CHD5: variants seen among roughly 807,000 people sequenced by gnomAD.
The protein encoded by CHD5 is ATP-dependent chromatin remodeler CHD5.
A neutral mutation model predicts 230.3 loss-of-function variants in CHD5; 69 were observed. The observed-to-expected ratio is 0.30, with a 90% confidence interval of 0.25 to 0.37. The LOEUF (loss-of-function observed/expected upper bound fraction) is 0.37. CHD5 is among the 10% of genes least tolerant of loss of function. The pLI is 1.00. For synonymous variants in CHD5, 1,064 were observed against 1,065.9 expected, an observed-to-expected ratio of 1.00 and a Z score of 0.03; for missense variants, 1,827 against 2,622.8, an observed-to-expected ratio of 0.70 and a Z score of 6.63.
chr1:6,152,717 T>G (rs1361624663), intron 5 of CHD5, among the ~76,000 whole-genome samples, 181 bp from the exon 6 acceptor site: 2 of 152,134 alleles, frequency 1.3e-5, no homozygotes, highest in Non-Finnish European at 2.9e-5. Context: ...ACACAGCAAG[T>G]GAGGCAAAAA....
chr1:6,128,472 C>G lies in CHD5; in HGVS notation c.3730+27G>C, dbSNP rs201971926. On this transcript the variant is annotated intron_variant, in intron 24 of 41. Transcript: ENST00000262450. This position sits in a 1 kb window ranked among gnomAD's most constrained non-coding sequence, Gnocchi z 7.8. ...AGCAGCCACCTGGTCGGAGGAGGAG[C>G]TGAGGCTGGGCTGGGTTGGCCCCTA... 5 of 1,561,312 alleles carry G rather than the reference C, an allele frequency of 3.2e-6. No individual in the cohort carries two copies. In the African/African-American group the frequency reaches 5.4e-5, roughly 17 times the overall value.
At chr1:6,166,233 G>A (rs1455710979) in intron 2 of CHD5, among the ~76,000 whole-genome samples, 6 of 147,904 alleles carry the variant, frequency 4.1e-5, no homozygotes, top group African/African-American at 1.3e-4. Context: ...GTGTGTGCAC[G>A]GAGGACCAGA....
Position 6,180,190 on chromosome 1 carries a change from T to A in CHD5, c.-167A>T. ...CCCCCCAAACCTCCACCCCCCCGTC[T>A]CGACCCCCCTTTCTCTCGGCCGCCT... On this transcript the variant is annotated 5_prime_UTR_variant, in exon 1 of 42. Coordinates refer to ENST00000262450, the MANE Select transcript of CHD5 (RefSeq NM_015557.3). The A allele has an allele frequency of 1.4e-5, 1 of 70,386 alleles. No individual in the cohort carries two copies. The highest frequency in any genetic ancestry group is 2.5e-5 in the Non-Finnish European group (1 of 39,888). 4.4% of individuals were successfully genotyped at this position (70,386 alleles called of 1,614,324 possible). A position where few individuals can be genotyped will look rare whatever the true frequency, so the allele number is the denominator to read the frequency against.
At chr1:6,174,720 GGATGGTGAATAAGTGGATA>G (rs1667393616) in intron 1 of CHD5, among the ~76,000 whole-genome samples, 1 of 151,712 alleles carries the variant, frequency 6.6e-6, no homozygotes, top group Non-Finnish European at 1.5e-5. Context: ...GATGGTGGAT[GGATGGTGAATAAGTGGATA>G]GATGGTGAAT....
rs569157907 is a variant in CHD5 at position 6,103,655 on chromosome 1, CAT to C, written c.*1817_*1818del. 1.6e-4 allele frequency: 24 copies of C among 152,438 alleles called. No homozygotes were observed. Among genetic ancestry groups the C allele is most frequent in the African/African-American group, 5.3e-4 (22 of 41,584 alleles). The allele number at this position is 152,438 out of a possible 1,614,324, so 9.4% of individuals were successfully genotyped here. A position where few individuals can be genotyped will look rare whatever the true frequency, so the allele number is the denominator to read the frequency against. ...CAACACGCATGTGGATGAACCATAA[CAT>C]GTGAGCCCGCTGACAATCATCTCCA... On this transcript the variant is annotated 3_prime_UTR_variant, in exon 42 of 42. Coordinates refer to ENST00000262450, the MANE Select transcript of CHD5 (RefSeq NM_015557.3).
rs780040857 is a variant in CHD5, at chr1:6,134,885, G to A, written c.2871-26C>T. On this transcript the variant is annotated intron_variant, in intron 18 of 41. Coordinates refer to ENST00000262450, the MANE Select transcript of CHD5 (RefSeq NM_015557.3). The surrounding 1 kb of genome is among the most constrained non-coding windows in gnomAD (Gnocchi z 6.3). ...CTGCAGCAGGGCACGAGGAAAGGCAGGCTGGGTCAGACCCGCCTCCATGAG... is the reference window on the plus strand; with the variant it reads ...CTGCAGCAGGGCACGAGGAAAGGCAAGCTGGGTCAGACCCGCCTCCATGAG... 2 of 1,613,680 alleles carry A rather than the reference G, an allele frequency of 1.2e-6. No individual in the cohort carries two copies. Among genetic ancestry groups the A allele is most frequent in the African/African-American group, 2.7e-5 (2 of 74,928 alleles).
intron 9 of CHD5, among the ~76,000 whole-genome samples, chr1:6,147,873 G>A (rs1666935765): frequency 6.6e-6 from 1 of 152,116 alleles, no homozygotes; most frequent in African/African-American, 2.4e-5. Flanking sequence ...TGGGAGGCAG[G>A]AAAGGCTCCT....
rs2100850590 is a variant in CHD5, at chr1:6,134,220, A to C, written c.3052T>G (p.Ser1018Ala). 1 of 1,613,784 alleles carries C rather than the reference A, an allele frequency of 6.2e-7. No homozygotes were observed. Among genetic ancestry groups the C allele is most frequent in the East Asian group, 2.2e-5 (1 of 44,876 alleles). ...AGCTTCCCTGAAGACTTGACCAGGG[A>C]GCTTCCATCGTAGGAGCCATTGGGC... ...VLPNGSYDGSSLVKSSGKLML... is the reference protein window; with the variant it reads ...VLPNGSYDGSALVKSSGKLML... The change falls in exon 20 of 42, where the codon TCC becomes GCC. Residue 1018 changes from serine to alanine, a missense_variant. Around this residue, in one of 14 missense-constraint regions of CHD5, gnomAD observed 38 missense variants for 49.5 expected, o/e 0.77. Coordinates refer to ENST00000262450, the MANE Select transcript of CHD5 (RefSeq NM_015557.3). The surrounding 1 kb of genome is among the most constrained non-coding windows in gnomAD (Gnocchi z 6.3).
rs562169489 is a variant in CHD5, at chr1:6,174,015, A to G, written c.80-5738T>C. Among the ~76,000 whole-genome samples the G allele has an allele frequency of 7.2e-5, 11 of 152,054 alleles. No homozygotes were observed. In the South Asian group the frequency reaches 2.3e-3, roughly 32 times the overall value. ...AGAGACGGGGATAGATGAGGCATTT[A>G]CCCCAAGTGACTGGGGCCTGGGGGG... On this transcript the variant is annotated intron_variant, in intron 1 of 41. Coordinates refer to ENST00000262450, the MANE Select transcript of CHD5 (RefSeq NM_015557.3).
At position 6,129,727 on chromosome 1, in the gene CHD5, A is replaced by G. The variant is rs931586648; in HGVS notation, c.3387+477T>C. On this transcript the variant is annotated intron_variant, in intron 22 of 41. Transcript: ENST00000262450. The surrounding 1 kb of genome is among the most constrained non-coding windows in gnomAD (Gnocchi z 6.8). ...TACACTAGGGTGGCTCTATTCCCATACCCCTCCCCCCACAGCCCTTCCATC... is the reference window on the plus strand; with the variant it reads ...TACACTAGGGTGGCTCTATTCCCATGCCCCTCCCCCCACAGCCCTTCCATC... Among the ~76,000 whole-genome samples the G allele has an allele frequency of 6.6e-6, 1 of 150,514 alleles. No individual in the cohort carries two copies. The highest frequency in any genetic ancestry group is 1.5e-5 in the Non-Finnish European group (1 of 67,536).
chr1:6,155,811 G>A lies in CHD5; in HGVS notation c.388-94C>T, dbSNP rs897399087. On this transcript the variant is annotated intron_variant, in intron 3 of 41. Coordinates refer to ENST00000262450, the MANE Select transcript of CHD5 (RefSeq NM_015557.3). This position sits in a 1 kb window ranked among gnomAD's most constrained non-coding sequence, Gnocchi z 4.0. Reference sequence around the variant, plus strand: ...CTCTGCCTAGGAGGCTTTGGCACAGGGGAAAGAGGAGGGGTTGTGTCTGCA... The same window carrying A: ...CTCTGCCTAGGAGGCTTTGGCACAGAGGAAAGAGGAGGGGTTGTGTCTGCA... 7 of 922,472 alleles carry A rather than the reference G, an allele frequency of 7.6e-6. No homozygotes were observed. The highest frequency in any genetic ancestry group is 6.6e-5 in the African/African-American group (4 of 60,480). 57.1% of individuals were successfully genotyped at this position (922,472 alleles called of 1,614,324 possible). A position where few individuals can be genotyped will look rare whatever the true frequency, so the allele number is the denominator to read the frequency against.
chr1:6,178,429 C>G (rs1667458070), intron 1 of CHD5, among the ~76,000 whole-genome samples: 1 of 152,140 alleles, frequency 6.6e-6, no homozygotes, highest in Non-Finnish European at 1.5e-5. Context: ...AGGGCCACAC[C>G]CCAAACACCA....
At chr1:6,145,104 TG>T (rs1666890311) in intron 11 of CHD5, among the ~76,000 whole-genome samples, 1 of 151,894 alleles carries the variant, frequency 6.6e-6, no homozygotes, top group Non-Finnish European at 1.5e-5. Flanking sequence ...CAGGGAGGCC[TG>T]GGGAGGAAAA....
chr1:6,148,056 A>G (rs944677909), intron 9 of CHD5, among the ~76,000 whole-genome samples: 2 of 151,932 alleles, frequency 1.3e-5, no homozygotes, highest in Non-Finnish European at 2.9e-5. Context: ...TGCACCCCTC[A>G]AAAGGGTCCT....
intron 1 of CHD5, among the ~76,000 whole-genome samples, chr1:6,174,402 G>A (rs1667386386): frequency 6.6e-6 from 1 of 152,172 alleles, no homozygotes; most frequent in Non-Finnish European, 1.5e-5. Flanking sequence ...TGGATGGATG[G>A]TGGATAGGTG....
At chr1:6,170,686 G>A (rs150012080) in intron 1 of CHD5, among the ~76,000 whole-genome samples, 2 of 152,370 alleles carry the variant, frequency 1.3e-5, no homozygotes, top group Non-Finnish European at 2.9e-5. Flanking sequence ...ATGTGGGTGA[G>A]GCCCCAAGCA....
At chr1:6,173,474 G>A (rs1251046621) in intron 1 of CHD5, among the ~76,000 whole-genome samples, 1 of 152,014 alleles carries the variant, frequency 6.6e-6, no homozygotes, top group Admixed American at 6.6e-5. Flanking sequence ...GCCACCAGGA[G>A]GTCAGGAGGA....
At chr1:6,164,248 C>T (rs74868310) in intron 2 of CHD5, among the ~76,000 whole-genome samples, 5,203 of 152,254 alleles carry the variant, frequency 0.034, 210 homozygotes, top group African/African-American at 0.1. Flanking sequence ...AGGAAGGGTG[C>T]GGAGAGTGGG....
At chr1:6,179,451 C>T (rs947929757) in intron 1 of CHD5, among the ~76,000 whole-genome samples, 2 of 152,102 alleles carry the variant, frequency 1.3e-5, no homozygotes, top group Non-Finnish European at 2.9e-5. Flanking sequence ...CCCCAAGCAC[C>T]GCCGGTCCTC....
Sources: allele counts gnomAD v4.1 joint callset (sites outside exome capture counted in the v4.1 genomes callset), GRCh38; gene constraint gnomAD v4.1.1; regional missense constraint gnomAD v4.1.1; non-coding constraint Gnocchi (gnomAD v3.1); transcripts MANE v1.5; gene names NCBI Gene and HGNC (gene_info 2026-07-23, HGNC 2026-07-21).